Variants in TMEM101 observed in about 807,000 individuals in gnomAD.
The protein encoded by TMEM101 is putative NF-kappa-B-activating protein 130.
In TMEM101, 14 loss-of-function variants were observed where a neutral mutation model predicts 26.0. The ratio of observed to expected loss-of-function variants is 0.54; its 90% CI spans 0.36 to 0.84. The LOEUF (loss-of-function observed/expected upper bound fraction) is 0.84, where lower values mean the gene tolerates loss of function less well. TMEM101 is among the 40% of genes least tolerant of loss of function. TMEM101 has a pLI of 0.01. For synonymous variants in TMEM101, 152 were observed against 145.1 expected, an observed-to-expected ratio of 1.05 and a Z score of -0.34; for missense variants, 292 against 345.1, an observed-to-expected ratio of 0.85 and a Z score of 1.22.
chr17:44,015,375 C>G (rs1401219233), upstream of TMEM101, among the ~76,000 whole-genome samples: 1 of 68,256 alleles, frequency 1.5e-5, no homozygotes, highest in Non-Finnish European at 4.3e-5. Flanking sequence ...GAGTTGTGAA[C>G]TTTTTTTTTC....
rs201602637 is a variant in TMEM101, at chr17:44,011,953, G to C, written c.749C>G (p.Ala250Gly). The C allele has an allele frequency of 2.7e-5, 44 of 1,611,590 alleles. No homozygotes were observed. Among genetic ancestry groups the C allele is most frequent in the Non-Finnish European group, 3.3e-5 (39 of 1,178,026 alleles). Residue 250 changes from alanine to glycine, a missense_variant, in exon 4 of 4, where the codon GCT becomes GGT. By Grantham distance (60) the Ala-to-Gly change is moderately conservative. Transcript: ENST00000206380. ...TCAGCCATCAGTGGCCAGGATGACA[G>C]CAGTTCCGAAGATGCCCACACTCTC... ...LGESVGIFGTAVILATDG is the reference protein window; with the variant it reads ...LGESVGIFGTGVILATDG
At chr17:44,019,085 G>A (rs1266154168), upstream of TMEM101, among the ~76,000 whole-genome samples, 1 of 152,180 alleles carries the variant, frequency 6.6e-6, no homozygotes, top group Non-Finnish European at 1.5e-5. Context: ...AGACGAGTGA[G>A]GGGAGAAGAA....
upstream of TMEM101, chr17:44,014,988 G>A (rs761236895): frequency 2.6e-6 from 4 of 1,566,288 alleles, no homozygotes; most frequent in South Asian, 1.2e-5. Context: ...CCTCACCCCA[G>A]TCAGAGAAGC....
upstream of TMEM101, among the ~76,000 whole-genome samples, chr17:44,015,674 T>C (rs2144020955): frequency 6.6e-6 from 1 of 152,320 alleles, no homozygotes; most frequent in Non-Finnish European, 1.5e-5. Context: ...ATTACAGGCA[T>C]GAGCCACCGC....
At chr17:44,014,594 C>T in intron 1 of TMEM101, 57 bp from the exon 2 acceptor site, 2 of 1,543,674 alleles carry the variant, frequency 1.3e-6, no homozygotes, top group Admixed American at 1.9e-5. Context: ...GGGGAAGAAG[C>T]TTGAGACCCC....
chr17:44,015,263 C>G (rs1031897655), upstream of TMEM101: 52 of 235,520 alleles, frequency 2.2e-4, no homozygotes, highest in African/African-American at 1.0e-3. Flanking sequence ...GAATGCAGCC[C>G]GATCAGGGCC....
At chr17:44,018,186 C>T (rs2049252368), upstream of TMEM101, among the ~76,000 whole-genome samples, 1 of 151,404 alleles carries the variant, frequency 6.6e-6, no homozygotes, top group Non-Finnish European at 1.5e-5. Flanking sequence ...CCATGAGAAG[C>T]CAGGCATGGT....
intron 2 of TMEM101, chr17:44,021,186 CG>C (rs2049281401): frequency 6.6e-6 from 1 of 152,106 alleles, no homozygotes; most frequent in Non-Finnish European, 1.5e-5. Flanking sequence ...GAAATTTCCT[CG>C]GGGGTTGTTG....
At chr17:44,017,320 C>T (rs2049242726), upstream of TMEM101, among the ~76,000 whole-genome samples, 1 of 151,818 alleles carries the variant, frequency 6.6e-6, no homozygotes, top group Non-Finnish European at 1.5e-5. Context: ...AAAAATTAGG[C>T]TGGGCACGGT....
At chr17:44,017,690 G>A (rs2049247684), upstream of TMEM101, among the ~76,000 whole-genome samples, 1 of 151,466 alleles carries the variant, frequency 6.6e-6, no homozygotes, top group Non-Finnish European at 1.5e-5. Context: ...TTGAATCTGG[G>A]AGACGGAGGT....
upstream of TMEM101, chr17:44,014,975 C>T (rs1181154624): frequency 1.9e-6 from 3 of 1,589,394 alleles, no homozygotes; most frequent in East Asian, 4.5e-5. Flanking sequence ...CAGTCCGCTG[C>T]GGCCTCACCC....
rs544127901 is a variant in TMEM101, at chr17:44,014,286, A to C, written c.318+71T>G. The C allele has an allele frequency of 1.9e-5, 29 of 1,495,404 alleles. No individual in the cohort carries two copies. The East Asian group carries it at 7.0e-4, about 36-fold the overall frequency. The allele number at this position is 1,495,404 out of a possible 1,614,324, so 92.6% of individuals were successfully genotyped here. On this transcript the variant is annotated intron_variant, in intron 2 of 3. Coordinates refer to ENST00000206380, the MANE Select transcript of TMEM101 (RefSeq NM_032376.4). Reference sequence around the variant, plus strand: ...GGCCAGCACCATTCATCGCCCACCAACAGCCCTGGGCATTGGCCTCTGATT... The same window carrying C: ...GGCCAGCACCATTCATCGCCCACCACCAGCCCTGGGCATTGGCCTCTGATT...
At chr17:44,012,691 A>G (rs2049176412) in intron 3 of TMEM101, 1 of 413,122 alleles carries the variant, frequency 2.4e-6, no homozygotes, top group South Asian at 9.7e-5. Context: ...CCCCCACCAA[A>G]CCTCTCCTTT....
chr17:44,012,935 C>T, intron 3 of TMEM101, 74 bp downstream of exon 3: 1 of 1,436,782 alleles, frequency 7.0e-7, no homozygotes, highest in South Asian at 1.5e-5. Context: ...GTCTACCTTC[C>T]TGGGGTTCTG....
At chr17:44,021,975 T>C (rs577548492) in intron 1 of TMEM101, among the ~76,000 whole-genome samples, 1 of 152,330 alleles carries the variant, frequency 6.6e-6, no homozygotes, top group African/African-American at 2.4e-5. Flanking sequence ...GCCATCACCA[T>C]AGGGACCACA....
chr17:44,013,390 T>C (rs1020408356), intron 2 of TMEM101, among the ~76,000 whole-genome samples: 6 of 152,194 alleles, frequency 3.9e-5, no homozygotes, highest in Admixed American at 6.5e-5. Context: ...CCAGGCGCAG[T>C]GGCTCACGCC....
chr17:44,014,331 G>C, intron 2 of TMEM101, 26 bp downstream of exon 2: 1 of 1,540,422 alleles, frequency 6.5e-7, no homozygotes, highest in Non-Finnish European at 8.8e-7. Context: ...CCAGAGGGAA[G>C]ACCCTTTTGG....
chr17:44,021,769 C>T (rs2049287535), intron 1 of TMEM101, among the ~76,000 whole-genome samples: 1 of 152,164 alleles, frequency 6.6e-6, no homozygotes, highest in Non-Finnish European at 1.5e-5. Flanking sequence ...ATAAAGACAT[C>T]ATGGTTGAAG....
chr17:44,012,946 C>G (rs1051956308), intron 3 of TMEM101, 63 bp downstream of exon 3: 39 of 1,458,532 alleles, frequency 2.7e-5, no homozygotes, highest in Non-Finnish European at 3.2e-5. Flanking sequence ...TGGGGTTCTG[C>G]CATGCCTAGA....
Sources: allele counts gnomAD v4.1 joint callset (sites outside exome capture counted in the v4.1 genomes callset), GRCh38; gene constraint gnomAD v4.1.1; transcripts MANE v1.5; gene names NCBI Gene and HGNC (gene_info 2026-07-23, HGNC 2026-07-21).